Variants in C2CD3 observed in about 807,000 individuals in gnomAD.
The protein encoded by C2CD3 is C2 domain containing 3 centriole elongation regulator, also known as C2 domain-containing protein 3.
Under a neutral mutation model 234.0 loss-of-function variants are expected in C2CD3, and 148 were observed. That is an observed-to-expected ratio of 0.63 (90% confidence interval 0.55 to 0.72). The LOEUF (loss-of-function observed/expected upper bound fraction) is 0.72. Among genes scored for constraint, C2CD3 ranks in the 30% least tolerant of loss-of-function variants. The probability of loss-of-function intolerance (pLI) is 0.00; values close to 1 mark genes in which losing one functional copy is unlikely to be tolerated. For synonymous variants in C2CD3, 1,000 were observed against 1,035.4 expected (o/e 0.97, Z 0.66); for missense variants, 2,577 against 2,811.5 (o/e 0.92, Z 1.89).
intron 3 of C2CD3, among the ~76,000 whole-genome samples, chr11:74,146,171 T>C (rs1357224520): frequency 6.6e-6 from 1 of 152,148 alleles, no homozygotes; most frequent in East Asian, 1.9e-4. Context: ...TGCAGTTACA[T>C]ATTAAGATTA....
intron 24 of C2CD3, among the ~76,000 whole-genome samples, chr11:74,063,577 A>G (rs1002215753): frequency 2.0e-5 from 3 of 152,228 alleles, no homozygotes; most frequent in Non-Finnish European, 4.4e-5. Context: ...AAAATTCAAC[A>G]GCCCTTCATG....
In C2CD3 at chr11:74,168,506, G is replaced by C. The variant is rs761301135; in HGVS notation, c.163C>G (p.Pro55Ala). 2 of 1,614,160 alleles carry C rather than the reference G, an allele frequency of 1.2e-6. No individual in the cohort carries two copies. The highest frequency in any genetic ancestry group is 4.5e-5 in the East Asian group (2 of 44,888). ...VNRVIWKIAK[P>A]PTCVLVRVRW... ...ACTCGGACAAGTACACAAGTGGGAG[G>C]CTTTGCAATCTTCCATATGACTCTA... The change falls in exon 2 of 33, where the codon CCT becomes GCT. Residue 55 changes from proline to alanine, a missense_variant. Pro to Ala is a conservative substitution (Grantham distance 27). Transcript: ENST00000334126.
At chr11:74,156,827 C>T (rs1004811263) in intron 3 of C2CD3, among the ~76,000 whole-genome samples, 1 of 151,972 alleles carries the variant, frequency 6.6e-6, no homozygotes, top group Non-Finnish European at 1.5e-5. Context: ...AAAAATTAGC[C>T]GGGCATGGTG....
intron 32 of C2CD3, among the ~76,000 whole-genome samples, chr11:74,026,321 A>G (rs73552755): frequency 6.6e-6 from 1 of 151,654 alleles, no homozygotes; most frequent in African/African-American, 2.4e-5. Context: ...AAAAAAAAAA[A>G]CAACCAACAG....
At chr11:74,119,120 G>A (rs1957128828) in intron 8 of C2CD3, among the ~76,000 whole-genome samples, 1 of 151,910 alleles carries the variant, frequency 6.6e-6, no homozygotes, top group Non-Finnish European at 1.5e-5. Context: ...ATGTTGCTCA[G>A]GCAGGTCTTA....
intron 32 of C2CD3, among the ~76,000 whole-genome samples, chr11:74,022,166 C>T (rs1461847009): frequency 6.6e-6 from 1 of 151,708 alleles, no homozygotes; most frequent in Non-Finnish European, 1.5e-5. Flanking sequence ...TTGGGCTAGA[C>T]AGGGCAGGGT....
At chr11:74,086,186 G>A (rs1167244119) in intron 20 of C2CD3, among the ~76,000 whole-genome samples, 3 of 152,202 alleles carry the variant, frequency 2.0e-5, no homozygotes, top group Admixed American at 1.3e-4. Context: ...AGTTGAACAA[G>A]CTGGGTTTAC....
intron 30 of C2CD3, among the ~76,000 whole-genome samples, chr11:74,037,135 G>A (rs940721565): frequency 2.0e-5 from 3 of 152,078 alleles, no homozygotes; most frequent in African/African-American, 7.2e-5. Context: ...AATTGCTATT[G>A]AGGAACCACT....
intron 21 of C2CD3, 194 bp downstream of exon 21, chr11:74,085,420 CTTTA>C: frequency 1.7e-6 from 1 of 578,982 alleles, no homozygotes; most frequent in Non-Finnish European, 3.0e-6. Flanking sequence ...GACACATTTG[CTTTA>C]TTTCTCTCTA....
chr11:74,016,049 C>A (rs1951870573), intron 32 of C2CD3, among the ~76,000 whole-genome samples: 1 of 152,264 alleles, frequency 6.6e-6, no homozygotes, highest in Admixed American at 6.5e-5. Flanking sequence ...TGCACTCCAA[C>A]CTGGGTGACA....
chr11:74,062,641 T>G (rs995806160), intron 24 of C2CD3, among the ~76,000 whole-genome samples: 2 of 151,980 alleles, frequency 1.3e-5, no homozygotes, highest in African/African-American at 2.4e-5. Context: ...AGAGGGAAAT[T>G]TATAGCACTA....
At chr11:74,075,031 C>A (rs538502542) in intron 23 of C2CD3, among the ~76,000 whole-genome samples, 17 of 152,258 alleles carry the variant, frequency 1.1e-4, no homozygotes, top group African/African-American at 4.1e-4. Context: ...ATGCAGTGAG[C>A]CATGACTGCG....
In C2CD3 at chr11:74,041,015, A is replaced by T. The variant is rs149424618; in HGVS notation, c.5660+1039T>A. Among the ~76,000 whole-genome samples the T allele has an allele frequency of 4.4e-3, 673 of 151,900 alleles. 3 individuals are homozygous for T. The highest frequency in any genetic ancestry group is 0.034 in the Middle Eastern group (10 of 294). On this transcript the variant is annotated intron_variant, in intron 29 of 32. Coordinates refer to ENST00000334126, the MANE Select transcript of C2CD3 (RefSeq NM_001286577.2). ...TAACAGATTTTACTCATGTCAATAA[A>T]AACTGACAAACATGATTATCTGAAA...
rs764288256 is a variant in C2CD3 at position 74,097,964 on chromosome 11, G to A, written c.2979+45C>T. 125 of 1,579,634 alleles carry A rather than the reference G, an allele frequency of 7.9e-5. 2 individuals carry two copies. The South Asian group carries it at 1.4e-3, about 17-fold the overall frequency. ...GCAATAAATTCACTAAAATATGCAA[G>A]AGAAAATGAAATAATGACTTTTTGT... On this transcript the variant is annotated intron_variant, in intron 16 of 32. Coordinates refer to ENST00000334126, the MANE Select transcript of C2CD3 (RefSeq NM_001286577.2).
At chr11:74,141,521 C>T (rs1281107915) in intron 3 of C2CD3, among the ~76,000 whole-genome samples, 1 of 152,168 alleles carries the variant, frequency 6.6e-6, no homozygotes, top group East Asian at 1.9e-4. Flanking sequence ...GCTGACTGGC[C>T]ACAGAGTTTG....
At chr11:74,090,700 T>A in intron 20 of C2CD3, 113 bp downstream of exon 20, 1 of 1,103,672 alleles carries the variant, frequency 9.1e-7, no homozygotes, top group Non-Finnish European at 1.3e-6. Flanking sequence ...AAAAGAGGAG[T>A]TGTGGTTAGT....
chr11:74,090,964 G>A, intron 19 of C2CD3, 28 bp from the exon 20 acceptor site: 1 of 1,611,314 alleles, frequency 6.2e-7, no homozygotes, highest in Non-Finnish European at 8.5e-7. Context: ...AAGGAAAGAA[G>A]GTTGGTCAGA....
chr11:74,086,978 A>G (rs766400064), intron 20 of C2CD3, among the ~76,000 whole-genome samples: 6 of 152,214 alleles, frequency 3.9e-5, no homozygotes, highest in Non-Finnish European at 7.3e-5. Context: ...GTGACTCTGG[A>G]TAAGTTATTC....
At chr11:74,017,512 G>A (rs2135398839) in intron 32 of C2CD3, among the ~76,000 whole-genome samples, 1 of 152,332 alleles carries the variant, frequency 6.6e-6, no homozygotes, top group Non-Finnish European at 1.5e-5. Flanking sequence ...CACGTGGAAG[G>A]TGTAAGGAGT....
Sources: gnomAD v4.1 joint callset for allele counts (sites outside exome capture counted in the v4.1 genomes callset) on GRCh38, gnomAD v4.1.1 for gene constraint, MANE v1.5 for transcripts, NCBI Gene and HGNC (gene_info 2026-07-23, HGNC 2026-07-21) for gene names.